Variants in ANKHD1 observed in about 807,000 individuals in gnomAD.
The protein encoded by ANKHD1 is ankyrin repeat and KH domain-containing protein 1.
Under a neutral mutation model 230.5 loss-of-function variants are expected in ANKHD1, and 31 were observed. That is an observed-to-expected ratio of 0.13 (90% CI 0.10 to 0.18). The LOEUF is 0.18. ANKHD1 is among the 10% of genes least tolerant of loss of function. ANKHD1 has a pLI of 1.00. For synonymous variants in ANKHD1, 1,074 were observed against 1,117.6 expected (o/e 0.96, Z 0.78); for missense variants, 2,256 against 3,071.3 (o/e 0.73, Z 6.27).
chr5:140,479,256 C>T (rs191178905), intron 10 of ANKHD1, among the ~76,000 whole-genome samples: 2 of 152,186 alleles, frequency 1.3e-5, no homozygotes, highest in African/African-American at 4.8e-5. Context: ...CCTCGGCCTC[C>T]CAAAGTGCTG....
intron 22 of ANKHD1, among the ~76,000 whole-genome samples, chr5:140,510,627 C>CT (rs1752724758): frequency 6.6e-6 from 1 of 151,910 alleles, no homozygotes; most frequent in Admixed American, 6.6e-5. Flanking sequence ...GTGGCCAAAT[C>CT]TAAGATCTAT....
intron 1 of ANKHD1, among the ~76,000 whole-genome samples, chr5:140,402,739 T>A (rs1366826698): frequency 6.6e-6 from 1 of 152,192 alleles, no homozygotes; most frequent in Non-Finnish European, 1.5e-5. Flanking sequence ...ACCTGTGTGC[T>A]TAAGGACGGT....
chr5:140,487,005 G>A lies in ANKHD1; in HGVS notation c.2190G>A (p.Gln730=). 1.2e-6 allele frequency: 2 copies of A among 1,613,592 alleles called. No homozygotes were observed. Among genetic ancestry groups the A allele is most frequent in the Non-Finnish European group, 1.7e-6 (2 of 1,179,680 alleles). ...THTLAMVVPP[Q]EPDRTSQENS... The stretch of plus-strand genomic sequence containing the variant: ...CACTTGCCATGGTTGTACCTCCCCA[G>A]GAACCTGACAGAACTTCACAGGAGA... Residue 730 remains glutamine (Q), a synonymous_variant, in exon 14 of 34, where the codon CAG becomes CAA. Transcript: ENST00000360839.
intron 20 of ANKHD1, 105 bp downstream of exon 20, chr5:140,508,103 A>G (rs909731870): frequency 4.7e-5 from 66 of 1,390,078 alleles, no homozygotes; most frequent in Middle Eastern, 2.6e-4. Context: ...ATAAATTAAA[A>G]CTGATACCAA....
chr5:140,509,975 C>A (rs1159051511), intron 21 of ANKHD1, 44 bp from the exon 22 acceptor site: 11 of 1,557,772 alleles, frequency 7.1e-6, no homozygotes, highest in Non-Finnish European at 1.7e-6. Context: ...AAAAAGCCAG[C>A]CTCTTCTTAC....
Position 140,491,155 on chromosome 5 carries a change from TATA to T in ANKHD1, c.2245+4096_2245+4098del, listed in dbSNP as rs1751774278. Among the ~76,000 whole-genome samples the T allele has an allele frequency of 9.9e-5, 10 of 101,436 alleles. 1 individual carries two copies. The highest frequency in any genetic ancestry group is 3.1e-4 in the African/African-American group (8 of 25,740). The allele number at this position is 101,436 out of a possible 152,430, so 66.5% of individuals were successfully genotyped here. A position where few individuals can be genotyped will look rare whatever the true frequency, so the allele number is the denominator to read the frequency against. On this transcript the variant is annotated intron_variant, in intron 14 of 33. Transcript: ENST00000360839. ...ATATATACACATATATATATATATATATATATTTTTTTTTTTTTTTTTTTTTGA... is the reference window on the plus strand; with the variant it reads ...ATATATACACATATATATATATATATTATTTTTTTTTTTTTTTTTTTTTGA...
intron 2 of ANKHD1, 132 bp from the exon 3 acceptor site, chr5:140,438,324 TCTGTC>T (rs919158223): frequency 4.6e-5 from 59 of 1,270,064 alleles, no homozygotes; most frequent in Non-Finnish European, 5.8e-5. Context: ...AGCCTTATCT[TCTGTC>T]AACCTAACCT....
chr5:140,425,025 G>A (rs780726178), intron 1 of ANKHD1, among the ~76,000 whole-genome samples: 17 of 152,116 alleles, frequency 1.1e-4, no homozygotes, highest in Admixed American at 1.1e-3. Context: ...GTTTTTAAAG[G>A]TACTTAATAG....
chr5:140,505,056 A>G, intron 16 of ANKHD1, 66 bp from the exon 17 acceptor site: 4 of 1,603,624 alleles, frequency 2.5e-6, no homozygotes, highest in South Asian at 1.1e-5. Context: ...GAAAAGAAAT[A>G]TTATTTGCTC....
Position 140,509,724 on chromosome 5 carries a change from G to C in ANKHD1, c.3853G>C (p.Ala1285Pro). Residue 1285 changes from alanine (A) to proline (P), a missense_variant, in exon 21 of 34, where the codon GCT (alanine) becomes CCT (proline). By Grantham distance (27) the Ala-to-Pro change is conservative. This residue lies in a region of ANKHD1 where 195 missense variants were observed against 340.3 expected (regional missense o/e 0.57). Coordinates refer to ENST00000360839, the MANE Select transcript of ANKHD1 (RefSeq NM_017747.3). ...VLLDKGADVN[A>P]PPVPSSRDTA... ...TCTTGATAAAGGAGCAGATGTTAAT[G>C]CTCCCCCTGTGCCTTCCTCAAGAGA... is the stretch of plus-strand genomic sequence containing the variant. 6.2e-7 allele frequency: 1 copy of C among 1,613,394 alleles called. No homozygotes were observed. Among genetic ancestry groups the C allele is most frequent in the African/African-American group, 1.3e-5 (1 of 75,008 alleles).
intron 10 of ANKHD1, among the ~76,000 whole-genome samples, chr5:140,468,264 AAAAAAAAAAC>A (rs1380145183): frequency 1.6e-4 from 23 of 144,654 alleles, no homozygotes; most frequent in African/African-American, 2.3e-4. Context: ...ACTCCGTCTC[AAAAAAAAAAC>A]AAAAAAAAAC....
chr5:140,467,627 A>G (rs945485846), intron 10 of ANKHD1, among the ~76,000 whole-genome samples: 1 of 152,238 alleles, frequency 6.6e-6, no homozygotes, highest in African/African-American at 2.4e-5. Context: ...AAATGTGGAA[A>G]GTATGGGAAA....
chr5:140,528,282 T>A lies in ANKHD1; in HGVS notation c.5336T>A (p.Ile1779Asn). The A allele has an allele frequency of 6.2e-7, 1 of 1,613,948 alleles. No individual in the cohort carries two copies. Among genetic ancestry groups the A allele is most frequent in the Non-Finnish European group, 8.5e-7 (1 of 1,179,990 alleles). ...ELEDLIPKNH[I>N]RTPASTKSIH... ...GAAGACTTGATTCCTAAAAATCATA[T>A]CAGAACACCTGCCAGCACCAAATCA... Residue 1779 changes from isoleucine (I) to asparagine (N), a missense_variant, in exon 29 of 34, where the codon ATC becomes AAC. Ile to Asn is a moderately radical substitution (Grantham distance 149). Around this residue, in one of 13 missense-constraint regions of ANKHD1, gnomAD observed 778 missense variants for 966.5 expected, o/e 0.80. Coordinates refer to ENST00000360839, the MANE Select transcript of ANKHD1 (RefSeq NM_017747.3).
intron 10 of ANKHD1, among the ~76,000 whole-genome samples, chr5:140,479,201 G>A (rs1751132051): frequency 6.6e-6 from 1 of 150,480 alleles, no homozygotes; most frequent in Non-Finnish European, 1.5e-5. Flanking sequence ...GTTTCACCAT[G>A]TTAGCTTGGA....
chr5:140,403,645 G>A (rs1241514545), intron 1 of ANKHD1, among the ~76,000 whole-genome samples: 1 of 152,106 alleles, frequency 6.6e-6, no homozygotes, highest in Non-Finnish European at 1.5e-5. Context: ...TCCTGACCTT[G>A]TGATCCCAAG....
At chr5:140,458,329 G>C (rs1297689486) in intron 7 of ANKHD1, among the ~76,000 whole-genome samples, 1 of 152,090 alleles carries the variant, frequency 6.6e-6, no homozygotes, top group African/African-American at 2.4e-5. Flanking sequence ...TCAAAAAATG[G>C]AAATTTAAAA....
intron 29 of ANKHD1, among the ~76,000 whole-genome samples, chr5:140,530,506 T>C (rs1753766970): frequency 6.6e-6 from 1 of 152,206 alleles, no homozygotes; most frequent in African/African-American, 2.4e-5. Context: ...TGAGCCACCG[T>C]GCCCAGCCTA....
intron 1 of ANKHD1, among the ~76,000 whole-genome samples, chr5:140,432,408 TC>T (rs923889114): frequency 6.6e-6 from 1 of 152,244 alleles, no homozygotes; most frequent in African/African-American, 2.4e-5. Flanking sequence ...ATGTATTTCT[TC>T]CTTTTGATGG....
intron 1 of ANKHD1, among the ~76,000 whole-genome samples, chr5:140,430,909 C>T (rs1360113311): frequency 6.6e-6 from 1 of 152,138 alleles, no homozygotes; most frequent in Non-Finnish European, 1.5e-5. Flanking sequence ...AAGCAGTCCT[C>T]CTCCCTCAGT....
Sources: allele counts gnomAD v4.1 joint callset (sites outside exome capture counted in the v4.1 genomes callset), GRCh38; gene constraint gnomAD v4.1.1; regional missense constraint gnomAD v4.1.1; transcripts MANE v1.5; gene names NCBI Gene and HGNC (gene_info 2026-07-23, HGNC 2026-07-21).